SEC23A: variants seen among roughly 807,000 people sequenced by gnomAD.
SEC23A encodes SEC23 homolog A, COPII component.
Under a neutral mutation model 103.7 loss-of-function variants are expected in SEC23A, and 56 were observed. The observed-to-expected ratio is 0.54, with a 90% confidence interval of 0.44 to 0.67. SEC23A has a LOEUF of 0.67. Among genes scored for constraint, SEC23A ranks in the 30% least tolerant of loss-of-function variants. The pLI, the probability that SEC23A is intolerant of heterozygous loss-of-function variation, is 0.00. For missense variants in SEC23A, 784 were observed against 936.4 expected, an observed-to-expected ratio of 0.84 and a Z score of 2.12; for synonymous variants, 281 against 293.0, an observed-to-expected ratio of 0.96 and a Z score of 0.42.
chr14:39,064,991 G>C lies in SEC23A; in HGVS notation c.1230C>G (p.Thr410=). 1 of 1,607,536 alleles carries C rather than the reference G, an allele frequency of 6.2e-7. No homozygotes were observed. Residue 410 remains threonine (T), a splice_region_variant and synonymous_variant, in exon 11 of 20, where the codon ACC becomes ACG. Transcript: ENST00000307712. ...MGFGGTLEIK[T]SREIKISGAI... Reference sequence around the variant, plus strand: ...CTCCTGAAATCTTTATTTCCCTTGAGGTCTGCAAAATAAGAATACAGCATG... The same window carrying C: ...CTCCTGAAATCTTTATTTCCCTTGACGTCTGCAAAATAAGAATACAGCATG...
At chr14:39,074,556 T>A in intron 8 of SEC23A, 26 bp from the exon 9 acceptor site, 1 of 1,415,578 alleles carries the variant, frequency 7.1e-7, no homozygotes, top group Non-Finnish European at 1.0e-6. Flanking sequence ...TTAATTAAAA[T>A]AATATACAAA....
intron 19 of SEC23A, among the ~76,000 whole-genome samples, chr14:39,038,232 T>C (rs1346060709): frequency 6.6e-6 from 1 of 152,220 alleles, no homozygotes; most frequent in African/African-American, 2.4e-5. Context: ...AAATGAAATG[T>C]TTCTTTTTTC....
chr14:39,071,665 C>G (rs1270752368), intron 9 of SEC23A, among the ~76,000 whole-genome samples: 1 of 152,128 alleles, frequency 6.6e-6, no homozygotes, highest in Non-Finnish European at 1.5e-5. Flanking sequence ...GAGTTCAAGA[C>G]CAGCCTGGCC....
intron 13 of SEC23A, among the ~76,000 whole-genome samples, chr14:39,056,175 A>G (rs77170201): frequency 0.082 from 12,514 of 152,208 alleles, 543 homozygotes; most frequent in African/African-American, 0.12. Context: ...CCCCCTTTCA[A>G]AAGTGTGTAG....
Position 39,058,496 on chromosome 14 carries a change from A to ATTT in SEC23A, c.1506-3201_1506-3200insAAA, listed in dbSNP as rs1215165931. ...CTAATTTTTTGTATTTTTAGTAGAGACGGGGTTTCACCTTGTTAGCCAGGA... is the reference window on the plus strand; with the variant it reads ...CTAATTTTTTGTATTTTTAGTAGAGATTTCGGGGTTTCACCTTGTTAGCCAGGA... On this transcript the variant is annotated intron_variant, in intron 13 of 19. Transcript: ENST00000307712. Among the ~76,000 whole-genome samples, 6 of 151,898 alleles carry ATTT rather than the reference A, an allele frequency of 4.0e-5. No homozygotes were observed. In the South Asian group the frequency reaches 8.3e-4, roughly 21 times the overall value.
At chr14:39,085,968 C>G (rs1447704050) in intron 6 of SEC23A, 62 bp from the exon 7 acceptor site, 1 of 1,397,660 alleles carries the variant, frequency 7.2e-7, no homozygotes, top group Non-Finnish European at 1.0e-6. Context: ...GTTCGATAAA[C>G]AAATTTCACT....
At position 39,039,124 on chromosome 14, in the gene SEC23A, TC is replaced by T. The variant is rs746774579; in HGVS notation, c.2143-29del. ...TAAAAGCAAAGAAGAAATAACATTA[TC>T]CATCAAAAATGGTTTCAGTCAATAT... On this transcript the variant is annotated intron_variant, in intron 18 of 19. Coordinates refer to ENST00000307712, the MANE Select transcript of SEC23A (RefSeq NM_006364.4). The T allele has an allele frequency of 2.5e-6, 4 of 1,597,744 alleles. No homozygotes were observed. In the African/African-American group the frequency reaches 5.4e-5, roughly 21 times the overall value.
chr14:39,080,439 C>T (rs1887185537), intron 7 of SEC23A, among the ~76,000 whole-genome samples: 1 of 152,148 alleles, frequency 6.6e-6, no homozygotes, highest in South Asian at 2.1e-4. Flanking sequence ...CAGAGTCTTG[C>T]TCTGTCGGCC....
chr14:39,045,425 C>A, intron 15 of SEC23A, 101 bp from the exon 16 acceptor site: 1 of 795,226 alleles, frequency 1.3e-6, no homozygotes, highest in Non-Finnish European at 2.0e-6. Context: ...AACAACATAA[C>A]AAAACATGTT....
intron 7 of SEC23A, among the ~76,000 whole-genome samples, chr14:39,076,580 T>C (rs1887030787): frequency 6.6e-6 from 1 of 151,752 alleles, no homozygotes; most frequent in Non-Finnish European, 1.5e-5. Flanking sequence ...TCTATTTTTT[T>C]GTTGGTGTTT....
intron 11 of SEC23A, among the ~76,000 whole-genome samples, chr14:39,064,345 G>T (rs56920377): frequency 0.071 from 10,825 of 152,120 alleles, 1,298 homozygotes; most frequent in African/African-American, 0.24. Flanking sequence ...CATTAAATTG[G>T]ATAAAAAGAA....
chr14:39,103,177 G>A lies in SEC23A; in HGVS notation c.-167C>T, dbSNP rs1888183575. 1.3e-5 allele frequency: 2 copies of A among 152,314 alleles called. No homozygotes were observed. The highest frequency in any genetic ancestry group is 4.8e-5 in the African/African-American group (2 of 41,428). The allele number at this position is 152,314 out of a possible 1,614,324, so 9.4% of individuals were successfully genotyped here. On this transcript the variant is annotated 5_prime_UTR_variant, in exon 1 of 20. Coordinates refer to ENST00000307712, the MANE Select transcript of SEC23A (RefSeq NM_006364.4). ...CCGCAATCAGGGGTGGCGCCACCCC[G>A]CCCCGGGCCTCAGCGAAGACCTCCG...
chr14:39,083,642 A>G (rs1887315307), intron 7 of SEC23A, among the ~76,000 whole-genome samples: 2 of 136,318 alleles, frequency 1.5e-5, no homozygotes, highest in Admixed American at 1.6e-4. Context: ...GGCTCACTGC[A>G]ACCTCTGCCT....
intron 19 of SEC23A, 105 bp from the exon 20 acceptor site, chr14:39,033,433 G>C: frequency 9.1e-6 from 1 of 110,300 alleles, no homozygotes. Context: ...AATGCCTATG[G>C]TCCTATTAAA....
chr14:39,081,006 A>G (rs1309015787), intron 7 of SEC23A, among the ~76,000 whole-genome samples: 5 of 152,098 alleles, frequency 3.3e-5, no homozygotes, highest in Admixed American at 3.3e-4. Context: ...GGAGTTTGAG[A>G]CCTGTCTGGG....
At chr14:39,064,002 A>T (rs1474592076) in intron 11 of SEC23A, among the ~76,000 whole-genome samples, 1 of 147,826 alleles carries the variant, frequency 6.8e-6, no homozygotes, top group African/African-American at 2.4e-5. Flanking sequence ...TCTCAAAAAA[A>T]ATAAAATAAA....
At chr14:39,062,905 T>C (rs1424115929) in intron 12 of SEC23A, among the ~76,000 whole-genome samples, 1 of 152,180 alleles carries the variant, frequency 6.6e-6, no homozygotes, top group African/African-American at 2.4e-5. Flanking sequence ...ACTTTTTCTA[T>C]GGATTTTGAC....
At chr14:39,050,262 T>C (rs1487862816) in intron 14 of SEC23A, among the ~76,000 whole-genome samples, 1 of 152,190 alleles carries the variant, frequency 6.6e-6, no homozygotes, top group Non-Finnish European at 1.5e-5. Flanking sequence ...GCAACAGTAA[T>C]GATTTTCCTG....
At chr14:39,086,055 G>A (rs1887432827) in intron 6 of SEC23A, 149 bp from the exon 7 acceptor site, 1 of 720,702 alleles carries the variant, frequency 1.4e-6, no homozygotes, top group South Asian at 1.6e-5. Context: ...ATGAGAACCA[G>A]CTGGAGGGCT....
Sources: allele counts gnomAD v4.1 joint callset (sites outside exome capture counted in the v4.1 genomes callset), GRCh38; gene constraint gnomAD v4.1.1; transcripts MANE v1.5; gene names NCBI Gene and HGNC (gene_info 2026-07-23, HGNC 2026-07-21).